The following PRKN variants were observed in gnomAD, a reference collection of about 807,000 sequenced individuals.
PRKN encodes the protein E3 ubiquitin-protein ligase parkin.
Under a neutral mutation model 59.5 loss-of-function variants are expected in PRKN, and 56 were observed. That is an observed-to-expected ratio of 0.94 (90% CI 0.76 to 1.18). PRKN has a LOEUF of 1.18. PRKN is among the 50% of genes most tolerant of loss of function. PRKN has a pLI of 0.00. For synonymous variants in PRKN, 250 were observed against 222.1 expected, an observed-to-expected ratio of 1.13 and a Z score of -1.12; for missense variants, 657 against 596.4, an observed-to-expected ratio of 1.10 and a Z score of -1.06.
chr6:162,608,638 T>C (rs1782015352), intron 1 of PRKN, among the ~76,000 whole-genome samples: 1 of 152,182 alleles, frequency 6.6e-6, no homozygotes, highest in African/African-American at 2.4e-5. Flanking sequence ...CAATCCCAAT[T>C]CTTGGCCCTG....
intron 1 of PRKN, among the ~76,000 whole-genome samples, chr6:162,594,418 C>T (rs1383497783): frequency 6.6e-6 from 1 of 152,272 alleles, no homozygotes; most frequent in East Asian, 1.9e-4. Flanking sequence ...TTTAAAAATA[C>T]ATGAACAAGT....
intron 3 of PRKN, among the ~76,000 whole-genome samples, chr6:162,235,975 AAGAAAGAAAGAAAGAAAGAAAGAAAG>A (rs1778673873): frequency 9.0e-6 from 1 of 110,562 alleles, no homozygotes; most frequent in African/African-American, 4.6e-5. Flanking sequence ...GAAAGAAAGA[AAGAAAGAAAGAAAGAAAGAAAGAAAG>A]AAAGAAAGAA....
At chr6:161,857,838 T>C (rs190849696) in intron 6 of PRKN, among the ~76,000 whole-genome samples, 35 of 152,244 alleles carry the variant, frequency 2.3e-4, no homozygotes, top group Non-Finnish European at 3.8e-4. Context: ...AGGTGTGAGG[T>C]TGGAAAGAGG....
At chr6:161,506,053 T>G (rs1199938259) in intron 9 of PRKN, among the ~76,000 whole-genome samples, 1 of 151,126 alleles carries the variant, frequency 6.6e-6, no homozygotes, top group East Asian at 1.9e-4. Context: ...TTTTTTCCAA[T>G]TCTGTGAAGA....
intron 1 of PRKN, chr6:162,569,508 T>G: frequency 5.7e-6 from 4 of 699,178 alleles, no homozygotes; most frequent in South Asian, 5.4e-5. Flanking sequence ...AACATGAGTA[T>G]CCATACAAAG....
At chr6:162,036,838 G>T (rs560028404) in intron 5 of PRKN, among the ~76,000 whole-genome samples, 7 of 151,876 alleles carry the variant, frequency 4.6e-5, no homozygotes, top group Admixed American at 1.3e-4. Context: ...TATACTTACT[G>T]TAAGAAACTT....
intron 3 of PRKN, among the ~76,000 whole-genome samples, chr6:162,202,657 A>C (rs1454308902): frequency 6.6e-6 from 1 of 152,222 alleles, no homozygotes; most frequent in Non-Finnish European, 1.5e-5. Context: ...AAACATAATA[A>C]TGACATAAAA....
At chr6:162,546,591 G>C in intron 1 of PRKN, among the ~76,000 whole-genome samples, 1 of 151,512 alleles carries the variant, frequency 6.6e-6, no homozygotes, top group East Asian at 2.0e-4. Flanking sequence ...TTACAGGAGT[G>C]TGCCACCACG....
At position 161,440,515 on chromosome 6, in the gene PRKN, T is replaced by C. The variant is rs978167023; in HGVS notation, c.1084-53638A>G. Among the ~76,000 whole-genome samples the C allele has an allele frequency of 1.3e-5, 2 of 152,164 alleles. No homozygotes were observed. Among genetic ancestry groups the C allele is most frequent in the Non-Finnish European group, 2.9e-5 (2 of 68,034 alleles). Reference sequence around the variant, plus strand: ...CTGGGAGGCTGCCTCTCGGGATAGATTGAATTGTTCTGCAAAGACATGGTC... The same window carrying C: ...CTGGGAGGCTGCCTCTCGGGATAGACTGAATTGTTCTGCAAAGACATGGTC... On this transcript the variant is annotated intron_variant, in intron 9 of 11. Transcript: ENST00000366898. The surrounding 1 kb of genome is among the most constrained non-coding windows in gnomAD (Gnocchi z 4.1).
intron 1 of PRKN, among the ~76,000 whole-genome samples, chr6:162,720,196 C>G (rs1233274202): frequency 6.6e-6 from 1 of 152,146 alleles, no homozygotes; most frequent in Admixed American, 6.5e-5. Flanking sequence ...AAGTCTCAAT[C>G]AGGACACCAA....
intron 1 of PRKN, among the ~76,000 whole-genome samples, chr6:162,481,451 A>G (rs1424372521): frequency 6.6e-6 from 1 of 152,190 alleles, no homozygotes; most frequent in Non-Finnish European, 1.5e-5. Context: ...GGTGGGGGAA[A>G]AAAAAGCAGT....
intron 1 of PRKN, among the ~76,000 whole-genome samples, chr6:162,684,463 A>T (rs1042267315): frequency 2.0e-5 from 3 of 152,178 alleles, no homozygotes; most frequent in Non-Finnish European, 4.4e-5. Context: ...ACAGCAATTA[A>T]TATCAGTGGA....
In PRKN at chr6:161,360,128, G is replaced by T; in HGVS notation, c.1245C>A (p.Thr415=). ...AASKETIKKT[T]KPCPRCHVPV... is the part of the protein sequence containing the mutation. The stretch of plus-strand genomic sequence containing the variant: ...GTACATGGCAGCGGGGACAGGGCTT[G>T]GTGGTTTTCTTGATGGTTTCTTTGG... The change falls in exon 11 of 12, where the codon ACC becomes ACA. Residue 415 remains threonine (T), a synonymous_variant. Coordinates refer to ENST00000366898, the MANE Select transcript of PRKN (RefSeq NM_004562.3). This position sits in a 1 kb window ranked among gnomAD's most constrained non-coding sequence, Gnocchi z 5.1. The T allele has an allele frequency of 1.2e-6, 2 of 1,614,136 alleles. No individual in the cohort carries two copies. Among genetic ancestry groups the T allele is most frequent in the Middle Eastern group, 1.7e-4 (1 of 6,060 alleles).
At chr6:161,881,601 G>T (rs886793210) in intron 6 of PRKN, among the ~76,000 whole-genome samples, 1 of 152,016 alleles carries the variant, frequency 6.6e-6, no homozygotes. Flanking sequence ...GGGTCTGATG[G>T]TCAGCAACTC....
At chr6:161,881,271 TCC>T (rs1358624981) in intron 6 of PRKN, among the ~76,000 whole-genome samples, 3 of 152,158 alleles carry the variant, frequency 2.0e-5, no homozygotes, top group African/African-American at 7.2e-5. Flanking sequence ...GAAGTTGGAA[TCC>T]AATCCGGGTT....
chr6:161,874,963 A>AT (rs1562356530), intron 6 of PRKN, among the ~76,000 whole-genome samples: 1 of 91,282 alleles, frequency 1.1e-5, no homozygotes, highest in Non-Finnish European at 1.9e-5. Context: ...CTTTATATAT[A>AT]ATATATAATT....
intron 1 of PRKN, among the ~76,000 whole-genome samples, chr6:162,647,309 C>T (rs1381394691): frequency 6.6e-6 from 1 of 151,552 alleles, no homozygotes; most frequent in Admixed American, 6.6e-5. Flanking sequence ...TATTTATGTG[C>T]AATAAGTAAA....
intron 4 of PRKN, among the ~76,000 whole-genome samples, chr6:162,061,865 A>C (rs1778119299): frequency 6.6e-6 from 1 of 152,214 alleles, no homozygotes; most frequent in African/African-American, 2.4e-5. Flanking sequence ...TGGTATTACA[A>C]ATGAACCAAT....
At chr6:162,300,809 T>C (rs961382180) in intron 2 of PRKN, among the ~76,000 whole-genome samples, 2 of 152,086 alleles carry the variant, frequency 1.3e-5, no homozygotes, top group Admixed American at 6.6e-5. Context: ...ACCCACTTAT[T>C]CTTTTTGTAG....
Sources: gnomAD v4.1 joint callset for allele counts (sites outside exome capture counted in the v4.1 genomes callset) on GRCh38, gnomAD v4.1.1 for gene constraint, Gnocchi (gnomAD v3.1) non-coding constraint, MANE v1.5 for transcripts, NCBI Gene and HGNC (gene_info 2026-07-23, HGNC 2026-07-21) for gene names.